PTPDC1: variants seen among roughly 807,000 people sequenced by gnomAD.
PTPDC1 encodes protein tyrosine phosphatase domain containing 1.
PTPDC1 carries 53 observed loss-of-function variants against 75.3 expected under a neutral mutation model. The observed-to-expected ratio is 0.70, with a 90% CI of 0.56 to 0.88. The LOEUF (loss-of-function observed/expected upper bound fraction) is 0.88. Ranked by LOEUF, PTPDC1 falls within the 40% of genes least tolerant of loss-of-function variation. The probability of loss-of-function intolerance (pLI) is 0.00; values close to 1 mark genes in which losing one functional copy is unlikely to be tolerated. For synonymous variants in PTPDC1, 349 were observed against 366.2 expected (o/e 0.95, Z 0.54); for missense variants, 925 against 998.6 (o/e 0.93, Z 0.99).
chr9:94,098,682 G>C (rs1213884092), intron 6 of PTPDC1, 103 bp downstream of exon 6: 2 of 1,009,618 alleles, frequency 2.0e-6, no homozygotes, highest in Non-Finnish European at 3.0e-6. Context: ...GAAATGTGAA[G>C]ATACGTTTGC....
At chr9:94,059,372 G>A in intron 1 of PTPDC1, among the ~76,000 whole-genome samples, 1 of 152,204 alleles carries the variant, frequency 6.6e-6, no homozygotes, top group East Asian at 1.9e-4. Flanking sequence ...GGAAAATAAA[G>A]TGGACAGTAG....
upstream of PTPDC1, among the ~76,000 whole-genome samples, chr9:94,079,868 G>C (rs1309067776): frequency 1.3e-5 from 2 of 152,226 alleles, no homozygotes; most frequent in African/African-American, 4.8e-5. Context: ...GCTTGCCTAA[G>C]TGTGGAATCT....
In PTPDC1 at chr9:94,084,558, C is replaced by A. The variant is rs1227129149; in HGVS notation, c.28C>A (p.Pro10Thr). The change falls in exon 1 of 9, where the codon CCC (proline) becomes ACC (threonine). Residue 10 changes from proline (P) to threonine (T), a missense_variant. Transcript: ENST00000620992. MQVQDATRR[P>T]SAVRFLSSFL... Reference sequence around the variant, plus strand: ...GCAGGTGCAGGATGCAACCAGGCGGCCCTCAGCCGTGCGCTTCCTCAGCTC... The same window carrying A: ...GCAGGTGCAGGATGCAACCAGGCGGACCTCAGCCGTGCGCTTCCTCAGCTC... 3 of 1,612,758 alleles carry A rather than the reference C, an allele frequency of 1.9e-6. No individual in the cohort carries two copies. The highest frequency in any genetic ancestry group is 2.2e-5 in the East Asian group (1 of 44,882).
chr9:94,055,581 A>G (rs1035800260), intron 1 of PTPDC1, among the ~76,000 whole-genome samples: 1 of 152,234 alleles, frequency 6.6e-6, no homozygotes, highest in Non-Finnish European at 1.5e-5. Context: ...TTGTCCAGTG[A>G]AAGAAATCAA....
At chr9:94,070,220 A>G (rs1338678700) in intron 2 of PTPDC1, among the ~76,000 whole-genome samples, 1 of 152,006 alleles carries the variant, frequency 6.6e-6, no homozygotes, top group Non-Finnish European at 1.5e-5. Context: ...TATCCCCAGT[A>G]TGTTTGCTTA....
Position 94,098,369 on chromosome 9 carries a change from C to T in PTPDC1, c.1803C>T (p.Ser601=). ...SVRQNSRTPR[S]PLDCGSSPKA... ...GGCAGAACAGCAGGACACCCCGAAG[C>T]CCTCTGGACTGTGGCTCCAGTCCCA... The change falls in exon 6 of 9, where the codon AGC becomes AGT. Residue 601 remains serine (S), a synonymous_variant. Transcript: ENST00000620992. The T allele has an allele frequency of 6.2e-7, 1 of 1,614,186 alleles. No individual in the cohort carries two copies. Among genetic ancestry groups the T allele is most frequent in the Non-Finnish European group, 8.5e-7 (1 of 1,180,032 alleles).
chr9:94,060,073 G>T (rs981840385), intron 1 of PTPDC1, among the ~76,000 whole-genome samples: 1 of 152,148 alleles, frequency 6.6e-6, no homozygotes, highest in Non-Finnish European at 1.5e-5. Flanking sequence ...CCAAGCTGAT[G>T]AGGAGATCTA....
At chr9:94,063,396 A>G (rs1005046274) in intron 1 of PTPDC1, among the ~76,000 whole-genome samples, 4 of 152,254 alleles carry the variant, frequency 2.6e-5, no homozygotes, top group Non-Finnish European at 5.9e-5. Context: ...TTCCTGGAAC[A>G]ACTTGTTCCA....
At chr9:94,084,849 T>C in intron 1 of PTPDC1, 75 bp downstream of exon 1, 2 of 1,100,050 alleles carry the variant, frequency 1.8e-6, no homozygotes, top group Non-Finnish European at 2.6e-6. Flanking sequence ...GTTGTGTTTA[T>C]ACCTTTTTAA....
At chr9:94,072,253 G>A (rs530131390) in intron 2 of PTPDC1, among the ~76,000 whole-genome samples, 19 of 152,266 alleles carry the variant, frequency 1.2e-4, no homozygotes, top group South Asian at 8.3e-4. Context: ...TGATCTGCCC[G>A]CCTTGGCCTT....
At chr9:94,101,539 T>A in intron 6 of PTPDC1, 27 bp from the exon 7 acceptor site, 6 of 1,578,012 alleles carry the variant, frequency 3.8e-6, no homozygotes, top group Non-Finnish European at 4.3e-6. Flanking sequence ...TGTCTCTGTC[T>A]GTCTGTCTCT....
chr9:94,037,466 T>C (rs1825306081), intron 1 of PTPDC1, among the ~76,000 whole-genome samples: 2 of 152,190 alleles, frequency 1.3e-5, no homozygotes, highest in Admixed American at 1.3e-4. Context: ...GTGTACTTAT[T>C]TTATATATGT....
intron 1 of PTPDC1, among the ~76,000 whole-genome samples, chr9:94,041,764 C>T (rs1825432687): frequency 6.6e-6 from 1 of 152,110 alleles, no homozygotes. Context: ...CATGATGCTC[C>T]AGGCTCATCT....
intron 1 of PTPDC1, among the ~76,000 whole-genome samples, chr9:94,047,515 A>G (rs1277787475): frequency 6.6e-6 from 1 of 152,222 alleles, no homozygotes; most frequent in African/African-American, 2.4e-5. Flanking sequence ...GAACTGGAAA[A>G]GCAAGAGCTA....
chr9:94,089,317 A>G lies in PTPDC1; in HGVS notation c.616+1054A>G, dbSNP rs967732880. ...ATTGTTCAATTCCCACCTATGAGTG[A>G]GAATATGCGGTGTTTGCTTTTTGTT... On this transcript the variant is annotated intron_variant, in intron 4 of 8. Coordinates refer to ENST00000620992, the MANE Select transcript of PTPDC1 (RefSeq NM_001253829.2). Among the ~76,000 whole-genome samples the G allele has an allele frequency of 2.7e-5, 4 of 150,384 alleles. No homozygotes were observed. The South Asian group carries it at 6.4e-4, about 24-fold the overall frequency.
chr9:94,077,902 T>C (rs1826748246), intron 2 of PTPDC1, among the ~76,000 whole-genome samples: 1 of 152,104 alleles, frequency 6.6e-6, no homozygotes, highest in Non-Finnish European at 1.5e-5. Context: ...CAAAAAGATA[T>C]CACCTTGGAG....
At chr9:94,051,601 T>C (rs1296030666) in intron 1 of PTPDC1, among the ~76,000 whole-genome samples, 1 of 152,208 alleles carries the variant, frequency 6.6e-6, no homozygotes, top group Non-Finnish European at 1.5e-5. Context: ...GTTTTCCTTT[T>C]TGGGAAAGTT....
chr9:94,033,286 TAA>T (rs1305741093), intron 1 of PTPDC1, among the ~76,000 whole-genome samples: 1 of 152,238 alleles, frequency 6.6e-6, no homozygotes, highest in Non-Finnish European at 1.5e-5. Flanking sequence ...ATGTTTTATA[TAA>T]GTTACTTATA....
At position 94,098,506 on chromosome 9, in the gene PTPDC1, C is replaced by T. The variant is rs376103356; in HGVS notation, c.1940C>T (p.Ala647Val). 8 of 1,614,000 alleles carry T rather than the reference C, an allele frequency of 5.0e-6. No individual in the cohort carries two copies. The highest frequency in any genetic ancestry group is 3.3e-5 in the Admixed American group (2 of 60,014). Residue 647 changes from alanine to valine, a missense_variant, in exon 6 of 9, where the codon GCG becomes GTG. Transcript: ENST00000620992. ...ELSAEARRIL[A>V]AKALANLNES... ...AGTGCTGAGGCAAGAAGAATACTGG[C>T]GGCCAAAGCCCTAGCAAATTTAAAT... is the stretch of plus-strand genomic sequence containing the variant.
Sources: gnomAD v4.1 joint callset for allele counts (sites outside exome capture counted in the v4.1 genomes callset) on GRCh38, gnomAD v4.1.1 for gene constraint, MANE v1.5 for transcripts, NCBI Gene and HGNC (gene_info 2026-07-23, HGNC 2026-07-21) for gene names.